Variants in DYNC2H1 observed in about 807,000 individuals in gnomAD.
DYNC2H1 encodes dynein cytoplasmic 2 heavy chain 1, also known as cytoplasmic dynein 2 heavy chain 1.
DYNC2H1 carries 410 observed loss-of-function variants against 570.0 expected under a neutral mutation model. The ratio of observed to expected loss-of-function variants is 0.72; its 90% CI spans 0.66 to 0.78. DYNC2H1 has a LOEUF of 0.78. Among genes scored for constraint, DYNC2H1 ranks in the 30% least tolerant of loss-of-function variants. The pLI is 0.00. For missense variants in DYNC2H1, 4,865 were observed against 5,046.4 expected (o/e 0.96, Z 1.09); for synonymous variants, 1,688 against 1,677.6 (o/e 1.01, Z -0.15).
chr11:103,280,246 T>C lies in DYNC2H1; in HGVS notation c.10696-102T>C. On this transcript the variant is annotated intron_variant, in intron 70 of 88. Coordinates refer to ENST00000375735, the MANE Select transcript of DYNC2H1 (RefSeq NM_001377.3). The surrounding 1 kb of genome is among the most constrained non-coding windows in gnomAD (Gnocchi z 4.7). ...TACATCGATAAAAAAGTAGGTCATATGAAGACAGAATAGAGATTTTTGTGT... is the reference window on the plus strand; with the variant it reads ...TACATCGATAAAAAAGTAGGTCATACGAAGACAGAATAGAGATTTTTGTGT... 2 of 1,143,144 alleles carry C rather than the reference T, an allele frequency of 1.7e-6. No homozygotes were observed. Among genetic ancestry groups the C allele is most frequent in the South Asian group, 1.4e-5 (1 of 72,110 alleles). The allele number at this position is 1,143,144 out of a possible 1,614,324, so 70.8% of individuals were successfully genotyped here.
At chr11:103,304,925 G>A (rs1429659808) in intron 77 of DYNC2H1, among the ~76,000 whole-genome samples, 1 of 151,866 alleles carries the variant, frequency 6.6e-6, no homozygotes. Flanking sequence ...TTTTTTAAAG[G>A]CATATAAGAG....
chr11:103,465,600 C>T lies in DYNC2H1; in HGVS notation c.12649-2989C>T, dbSNP rs1002764066. On this transcript the variant is annotated intron_variant, in intron 87 of 88. Transcript: ENST00000375735. The surrounding 1 kb of genome is among the most constrained non-coding windows in gnomAD (Gnocchi z 4.9). ...AGATCCTTTGCTGATTTACTCAGACCCACTCTGCATCTGCATTCGGCTAGA... is the reference window on the plus strand; with the variant it reads ...AGATCCTTTGCTGATTTACTCAGACTCACTCTGCATCTGCATTCGGCTAGA... Among the ~76,000 whole-genome samples, 2 of 151,902 alleles carry T rather than the reference C, an allele frequency of 1.3e-5. No homozygotes were observed. Among genetic ancestry groups the T allele is most frequent in the Non-Finnish European group, 2.9e-5 (2 of 67,962 alleles).
intron 87 of DYNC2H1, among the ~76,000 whole-genome samples, chr11:103,460,280 C>G (rs529343092): frequency 1.3e-5 from 2 of 151,600 alleles, no homozygotes; most frequent in East Asian, 2.0e-4. Flanking sequence ...TATTTAGTCT[C>G]TGGCAGCTGT....
intron 65 of DYNC2H1, among the ~76,000 whole-genome samples, chr11:103,246,141 A>G (rs1301987395): frequency 6.6e-6 from 1 of 151,958 alleles, no homozygotes; most frequent in Non-Finnish European, 1.5e-5. Flanking sequence ...TATCCTCTTA[A>G]TATATTTTAT....
At chr11:103,118,835 G>A (rs940353795) in intron 6 of DYNC2H1, among the ~76,000 whole-genome samples, 3 of 152,216 alleles carry the variant, frequency 2.0e-5, no homozygotes, top group South Asian at 2.1e-4. Context: ...TGTGGTATTA[G>A]GTTTTCCCAT....
chr11:103,399,984 C>A, intron 84 of DYNC2H1, 112 bp downstream of exon 84: 1 of 844,384 alleles, frequency 1.2e-6, no homozygotes, highest in Non-Finnish European at 1.8e-6. Flanking sequence ...CCGAGTCACA[C>A]TGGCTTAAGC....
chr11:103,109,914 T>C (rs993321592), intron 1 of DYNC2H1, 145 bp downstream of exon 1: 22 of 839,830 alleles, frequency 2.6e-5, no homozygotes, highest in Middle Eastern at 3.7e-4. Flanking sequence ...TCCTGCATTA[T>C]TGGCTTAGAT....
rs369426684 is a variant in DYNC2H1, at chr11:103,391,498, G to A, written c.12157-8165G>A. On this transcript the variant is annotated intron_variant, in intron 83 of 88. Coordinates refer to ENST00000375735, the MANE Select transcript of DYNC2H1 (RefSeq NM_001377.3). ...GTTTGAAGCCTACTTCTCTCAACTC[G>A]TCAAAGTCATTCTCTGTCCAGCTTT... is the stretch of plus-strand genomic sequence containing the variant. Among the ~76,000 whole-genome samples the A allele has an allele frequency of 2.6e-4, 40 of 152,308 alleles. No homozygotes were observed. In the East Asian group the frequency reaches 3.9e-3, roughly 15 times the overall value.
intron 2 of DYNC2H1, 122 bp downstream of exon 2, chr11:103,113,829 TTTC>T: frequency 3.3e-6 from 3 of 912,358 alleles, no homozygotes; most frequent in Non-Finnish European, 4.5e-6. Flanking sequence ...TAAAATATCT[TTTC>T]TTAACTTTTT....
chr11:103,124,971 A>G (rs539858948), intron 11 of DYNC2H1, 129 bp from the exon 12 acceptor site: 25 of 643,028 alleles, frequency 3.9e-5, no homozygotes, highest in African/African-American at 2.3e-4. Flanking sequence ...CTTAAAAGCT[A>G]TAATTAAAAA....
intron 35 of DYNC2H1, among the ~76,000 whole-genome samples, chr11:103,173,795 G>C (rs1861676417): frequency 1.3e-5 from 2 of 152,124 alleles, no homozygotes. Context: ...AGGCATTAGG[G>C]TAACAGGTAA....
chr11:103,133,185 G>C lies in DYNC2H1; in HGVS notation c.1954-370G>C, dbSNP rs1176927981. 6.6e-6 allele frequency among the ~76,000 whole-genome samples: 1 copy of C among 152,128 alleles called. No individual in the cohort carries two copies. The highest frequency in any genetic ancestry group is 2.4e-5 in the African/African-American group (1 of 41,430). ...GGTTTTTGAGTCTGTGCCTGTCAGT[G>C]GTTCCAGATTGGAATCTTCTCTAGC... is the stretch of plus-strand genomic sequence containing the variant. On this transcript the variant is annotated intron_variant, in intron 13 of 88. Coordinates refer to ENST00000375735, the MANE Select transcript of DYNC2H1 (RefSeq NM_001377.3). The surrounding 1 kb of genome is among the most constrained non-coding windows in gnomAD (Gnocchi z 4.8).
At position 103,289,069 on chromosome 11, in the gene DYNC2H1, G is replaced by A. The variant is rs1032891294; in HGVS notation, c.11095+1464G>A. Reference sequence around the variant, plus strand: ...TGACACAACCTAGTCCGGTAATCTGGCTCAACCAATTCTGTGATCCCACCC... The same window carrying A: ...TGACACAACCTAGTCCGGTAATCTGACTCAACCAATTCTGTGATCCCACCC... On this transcript the variant is annotated intron_variant, in intron 75 of 88. Transcript: ENST00000375735. This position sits in a 1 kb window ranked among gnomAD's most constrained non-coding sequence, Gnocchi z 4.2. Among the ~76,000 whole-genome samples the A allele has an allele frequency of 1.5e-4, 23 of 151,888 alleles. No individual in the cohort carries two copies. Among genetic ancestry groups the A allele is most frequent in the African/African-American group, 5.3e-4 (22 of 41,324 alleles).
chr11:103,182,853 A>T lies in DYNC2H1; in HGVS notation c.6477+967A>T, dbSNP rs541757895. ...TTGAACAAGATATAGAGAAATGAAG[A>T]TTTGTTTTCGTTTTCTCAAACTTTT... On this transcript the variant is annotated intron_variant, in intron 40 of 88. Coordinates refer to ENST00000375735, the MANE Select transcript of DYNC2H1 (RefSeq NM_001377.3). 1.2e-4 allele frequency among the ~76,000 whole-genome samples: 19 copies of T among 152,026 alleles called. No individual in the cohort carries two copies. In the East Asian group the frequency reaches 3.3e-3, roughly 26 times the overall value.
At chr11:103,155,260 A>C in intron 24 of DYNC2H1, 71 bp from the exon 25 acceptor site, 1 of 1,408,076 alleles carries the variant, frequency 7.1e-7, no homozygotes, top group Non-Finnish European at 9.4e-7. Context: ...AAAAGTAAAT[A>C]CTAATTTGCA....
intron 77 of DYNC2H1, among the ~76,000 whole-genome samples, chr11:103,306,112 AT>A (rs141207677): frequency 0.17 from 26,283 of 152,026 alleles, 2,457 homozygotes; most frequent in Admixed American, 0.26. Context: ...GGGTTTTGCC[AT>A]TGTTGGCCAG....
In DYNC2H1 at chr11:103,187,408, A is replaced by G. The variant is rs781519080; in HGVS notation, c.6962A>G (p.Gln2321Arg). The stretch of plus-strand genomic sequence containing the variant: ...ATTGCTACAGTTCACTGTAGTGCAC[A>G]AACCACTTCTCGACATCTCCTGCAG... ...TQIATVHCSA[Q>R]TTSRHLLQKL... Residue 2321 changes from glutamine to arginine, a missense_variant, in exon 43 of 89, where the codon CAA becomes CGA. Transcript: ENST00000375735. 7 of 1,613,284 alleles carry G rather than the reference A, an allele frequency of 4.3e-6. No individual in the cohort carries two copies. In the East Asian group the frequency reaches 1.6e-4, roughly 36 times the overall value.
chr11:103,124,574 A>G (rs1858891028), intron 11 of DYNC2H1, among the ~76,000 whole-genome samples: 1 of 152,126 alleles, frequency 6.6e-6, no homozygotes, highest in African/African-American at 2.4e-5. Context: ...TGAGTTCCCC[A>G]AAGTAATATT....
chr11:103,282,244 CAA>C lies in DYNC2H1; in HGVS notation c.10812+18_10812+19del, dbSNP rs772947230. 2.2e-5 allele frequency: 36 copies of C among 1,605,722 alleles called. No homozygotes were observed. The African/African-American group carries it at 4.3e-4, about 19-fold the overall frequency. Reference sequence around the variant, plus strand: ...TACGGAAAGCTGTAAGTTAAAATAACAAAATCTATTTTGCTCTTAAAGAAAAT... The same window carrying C: ...TACGGAAAGCTGTAAGTTAAAATAACAATCTATTTTGCTCTTAAAGAAAAT... On this transcript the variant is annotated intron_variant, in intron 72 of 88. Transcript: ENST00000375735.
Sources: allele counts gnomAD v4.1 joint callset (sites outside exome capture counted in the v4.1 genomes callset), GRCh38; gene constraint gnomAD v4.1.1; non-coding constraint Gnocchi (gnomAD v3.1); transcripts MANE v1.5; gene names NCBI Gene and HGNC (gene_info 2026-07-23, HGNC 2026-07-21).